DGKG: variants seen among roughly 807,000 people sequenced by gnomAD.
The protein encoded by DGKG is diacylglycerol kinase gamma.
In DGKG, 78 loss-of-function variants were observed where a neutral mutation model predicts 105.3. The observed-to-expected ratio is 0.74, with a 90% CI of 0.62 to 0.89. The LOEUF (loss-of-function observed/expected upper bound fraction) is 0.89, where lower values mean the gene tolerates loss of function less well. Ranked by LOEUF, DGKG falls within the 40% of genes least tolerant of loss-of-function variation. DGKG has a pLI of 0.00. For missense variants in DGKG, 958 were observed against 1,020.1 expected, an observed-to-expected ratio of 0.94 and a Z score of 0.83; for synonymous variants, 346 against 367.1, an observed-to-expected ratio of 0.94 and a Z score of 0.66.
chr3:186,287,867 T>A (rs1723140922), intron 6 of DGKG, among the ~76,000 whole-genome samples: 1 of 152,238 alleles, frequency 6.6e-6, no homozygotes, highest in South Asian at 2.1e-4. Flanking sequence ...TTAACTGGAA[T>A]TTTGACTTTG....
In DGKG at chr3:186,273,367, C is replaced by CCTT. The variant is rs1553811123; in HGVS notation, c.911-1025_911-1024insAAG. On this transcript the variant is annotated intron_variant, in intron 10 of 24. Coordinates refer to ENST00000265022, the MANE Select transcript of DGKG (RefSeq NM_001346.3). ...TGGCGCTGGGGAGACTGTTGTACCC[C>CCTT]TTTTTTTTTTTTTTTTTTTTTTTTT... is the stretch of plus-strand genomic sequence containing the variant. 3.4e-3 allele frequency among the ~76,000 whole-genome samples: 290 copies of CCTT among 85,638 alleles called. 35 individuals are homozygous for CCTT. Among genetic ancestry groups the CCTT allele is most frequent in the South Asian group, 6.0e-3 (12 of 2,014 alleles). The allele number at this position is 85,638 out of a possible 152,430, so 56.2% of individuals were successfully genotyped here. A position where few individuals can be genotyped will look rare whatever the true frequency, so the allele number is the denominator to read the frequency against.
At chr3:186,160,575 C>A in intron 24 of DGKG, 2 of 985,410 alleles carry the variant, frequency 2.0e-6, no homozygotes, top group Non-Finnish European at 2.4e-6. Context: ...CTTTTCTCAG[C>A]AGGTTCATGG....
intron 22 of DGKG, among the ~76,000 whole-genome samples, chr3:186,185,145 A>G (rs1175325944): frequency 6.6e-6 from 1 of 152,230 alleles, no homozygotes; most frequent in Non-Finnish European, 1.5e-5. Context: ...TCTGACTCCC[A>G]GGCGAATGCT....
intron 1 of DGKG, among the ~76,000 whole-genome samples, chr3:186,341,055 A>G (rs917802787): frequency 1.3e-5 from 2 of 152,252 alleles, no homozygotes; most frequent in Non-Finnish European, 1.5e-5. Flanking sequence ...GTTTGTGTTC[A>G]GTGCCTTTTC....
chr3:186,342,790 G>A (rs1012584898), intron 1 of DGKG, among the ~76,000 whole-genome samples: 1 of 152,116 alleles, frequency 6.6e-6, no homozygotes, highest in African/African-American at 2.4e-5. Context: ...ATGATTAGAT[G>A]AGATTCTGGA....
At chr3:186,285,959 G>A (rs1353063836) in intron 6 of DGKG, among the ~76,000 whole-genome samples, 1 of 152,160 alleles carries the variant, frequency 6.6e-6, no homozygotes, top group Admixed American at 6.5e-5. Flanking sequence ...GATTACAGGC[G>A]TGAGCCTCTG....
intron 1 of DGKG, among the ~76,000 whole-genome samples, chr3:186,323,936 C>CAAAA (rs35989455): frequency 4.2e-5 from 3 of 72,014 alleles, no homozygotes; most frequent in Admixed American, 1.7e-4. Context: ...GACTCCGTCT[C>CAAAA]AAAAAAAAAA....
At chr3:186,327,856 A>G (rs1234744410) in intron 1 of DGKG, among the ~76,000 whole-genome samples, 2 of 152,158 alleles carry the variant, frequency 1.3e-5, no homozygotes, top group Non-Finnish European at 2.9e-5. Context: ...TCTGACACTT[A>G]TCTCCTTAAA....
At chr3:186,280,990 G>A in intron 7 of DGKG, 1 of 424,446 alleles carries the variant, frequency 2.4e-6, no homozygotes, top group Non-Finnish European at 4.4e-6. Context: ...ACTTCCTCCT[G>A]GACCCACCTT....
At chr3:186,314,348 A>G (rs1159396928) in intron 2 of DGKG, among the ~76,000 whole-genome samples, 2 of 152,178 alleles carry the variant, frequency 1.3e-5, no homozygotes, top group Admixed American at 6.5e-5. Context: ...CTATTTTACT[A>G]TCGACCTTCT....
intron 21 of DGKG, 87 bp downstream of exon 21, chr3:186,211,708 G>T: frequency 2.0e-6 from 2 of 988,946 alleles, no homozygotes; most frequent in Non-Finnish European, 3.2e-6. Flanking sequence ...ACCTCTTAAG[G>T]TCCCAAGAGG....
intron 22 of DGKG, 100 bp from the exon 23 acceptor site, chr3:186,165,118 C>A (rs1312997913): frequency 7.0e-6 from 9 of 1,277,064 alleles, no homozygotes; most frequent in African/African-American, 3.0e-5. Flanking sequence ...ATGTCTGTAT[C>A]CCTTCATCTC....
intron 7 of DGKG, among the ~76,000 whole-genome samples, chr3:186,281,935 G>A (rs1352149326): frequency 6.6e-6 from 1 of 152,208 alleles, no homozygotes; most frequent in Non-Finnish European, 1.5e-5. Flanking sequence ...ATTCTGTTCT[G>A]TGCCACATTC....
At chr3:186,241,560 A>C (rs1720687365) in intron 20 of DGKG, among the ~76,000 whole-genome samples, 1 of 151,986 alleles carries the variant, frequency 6.6e-6, no homozygotes, top group Admixed American at 6.6e-5. Flanking sequence ...CTCAAAAATA[A>C]ATAAATAAAT....
At chr3:186,161,204 T>TCG in intron 24 of DGKG, 1 of 989,530 alleles carries the variant, frequency 1.0e-6, no homozygotes, top group Non-Finnish European at 1.2e-6. Flanking sequence ...AGATTTGGCT[T>TCG]CCACGTAAGG....
chr3:186,187,004 G>A (rs374018754), intron 22 of DGKG, among the ~76,000 whole-genome samples: 2 of 152,244 alleles, frequency 1.3e-5, no homozygotes, highest in East Asian at 3.9e-4. Context: ...CTGTGTTGGA[G>A]GAACCAGAGT....
intron 13 of DGKG, chr3:186,267,466 A>C: frequency 2.0e-6 from 1 of 511,992 alleles, no homozygotes; most frequent in East Asian, 3.4e-5. Context: ...TGATAAGATA[A>C]TCTGCACAAC....
intron 17 of DGKG, 76 bp downstream of exon 17, chr3:186,257,778 T>A: frequency 8.3e-7 from 1 of 1,210,516 alleles, no homozygotes; most frequent in Non-Finnish European, 1.2e-6. Context: ...TGTCTCTTTC[T>A]TTTTTATTGC....
chr3:186,271,785 A>G (rs1261881219), intron 11 of DGKG, among the ~76,000 whole-genome samples: 2 of 152,118 alleles, frequency 1.3e-5, no homozygotes, highest in East Asian at 3.9e-4. Context: ...GCCGTGTCTC[A>G]TGCCTTTACA....
Sources: allele counts gnomAD v4.1 joint callset (sites outside exome capture counted in the v4.1 genomes callset), GRCh38; gene constraint gnomAD v4.1.1; transcripts MANE v1.5; gene names NCBI Gene and HGNC (gene_info 2026-07-23, HGNC 2026-07-21).